BCL11A: variants seen among roughly 807,000 people sequenced by gnomAD.
The protein encoded by BCL11A is B cell CLL/lymphoma 11A.
BCL11A carries 2 observed loss-of-function variants against 55.9 expected under a neutral mutation model. The ratio of observed to expected loss-of-function variants is 0.04; its 90% CI spans 0.01 to 0.11. The LOEUF (loss-of-function observed/expected upper bound fraction) is 0.11, where lower values mean the gene tolerates loss of function less well. Ranked by LOEUF, BCL11A falls within the 10% of genes least tolerant of loss-of-function variation. BCL11A has a pLI of 1.00. For synonymous variants in BCL11A, 465 were observed against 473.4 expected (o/e 0.98, Z 0.23); for missense variants, 817 against 1,137.1 (o/e 0.72, Z 4.05).
At chr2:60,541,872 T>G in intron 2 of BCL11A, 4 of 697,292 alleles carry the variant, frequency 5.7e-6, no homozygotes, top group Non-Finnish European at 1.1e-5. Flanking sequence ...ATTTATAGTC[T>G]CATTTACAAT....
intron 2 of BCL11A, chr2:60,538,139 C>T (rs1359184110): frequency 6.6e-6 from 1 of 152,208 alleles, no homozygotes; most frequent in African/African-American, 2.4e-5. Flanking sequence ...AAGGCGCCTT[C>T]TCGCCTCTTT....
intron 1 of BCL11A, among the ~76,000 whole-genome samples, chr2:60,551,657 C>T (rs1670418259): frequency 6.6e-6 from 1 of 152,164 alleles, no homozygotes; most frequent in African/African-American, 2.4e-5. Flanking sequence ...TTCACCCAGC[C>T]GATTTCGCAG....
chr2:60,494,037 T>C (rs1232402259), intron 2 of BCL11A, among the ~76,000 whole-genome samples: 3 of 152,050 alleles, frequency 2.0e-5, no homozygotes, highest in Non-Finnish European at 4.4e-5. Flanking sequence ...AGGACAGCCA[T>C]CTTAGACAAC....
chr2:60,476,474 G>C (rs1677605022), intron 2 of BCL11A, among the ~76,000 whole-genome samples: 1 of 152,210 alleles, frequency 6.6e-6, no homozygotes, highest in Admixed American at 6.5e-5. Flanking sequence ...AGGACTCTAA[G>C]AAAAGGGAGT....
exon 5 of BCL11A, chr2:60,451,187 T>C (rs1036775149): frequency 9.9e-6 from 2 of 201,702 alleles, no homozygotes; most frequent in Non-Finnish European, 2.0e-5. Flanking sequence ...TTATTTATTA[T>C]GAATAAGCAG....
chr2:60,454,478 A>G (rs1156776490), downstream of BCL11A, among the ~76,000 whole-genome samples: 2 of 152,154 alleles, frequency 1.3e-5, no homozygotes, highest in African/African-American at 4.8e-5. Flanking sequence ...AAAAAAGAGA[A>G]TGGGATGGGT....
At position 60,460,928 on chromosome 2, in the gene BCL11A, C is replaced by T; in HGVS notation, c.1984G>A (p.Gly662Ser). ...TTGAGCTGCCTGGAGGCCGCGTAGC[C>T]GGCGAGCCACTGCGAGTACACGTTC... is the stretch of plus-strand genomic sequence containing the variant. Reference protein sequence around the residue: ...TENVYSQWLAGYAASRQLKDP... With the variant: ...TENVYSQWLASYAASRQLKDP... The change falls in exon 4 of 4, where the codon GGC becomes AGC. Residue 662 changes from glycine (G) to serine (S), a missense_variant. Physicochemically the swap from Gly to Ser is moderately conservative, Grantham distance 56. Around this residue, in one of 4 missense-constraint regions of BCL11A, gnomAD observed 379 missense variants for 425.3 expected, o/e 0.89. Transcript: ENST00000642384. 2 of 1,612,446 alleles carry T rather than the reference C, an allele frequency of 1.2e-6. No individual in the cohort carries two copies. The highest frequency in any genetic ancestry group is 1.7e-6 in the Non-Finnish European group (2 of 1,179,922).
intron 2 of BCL11A, among the ~76,000 whole-genome samples, chr2:60,531,995 T>C (rs1251956373): frequency 6.6e-6 from 1 of 152,150 alleles, no homozygotes; most frequent in Non-Finnish European, 1.5e-5. Context: ...GCTGCCTTTG[T>C]TCCTGCCACA....
intron 2 of BCL11A, chr2:60,542,165 G>A (rs1476629915): frequency 2.1e-5 from 7 of 336,516 alleles, no homozygotes; most frequent in Non-Finnish European, 3.8e-5. Flanking sequence ...ATTTTAAAGA[G>A]AAAAAATGTT....
Position 60,461,833 on chromosome 2 carries a change from A to AG in BCL11A, c.1078dup (p.Leu360ProfsTer212), listed in dbSNP as rs768799046. The AG allele has an allele frequency of 9.9e-6, 6 of 605,320 alleles. No homozygotes were observed. The highest frequency in any genetic ancestry group is 6.9e-6 in the Non-Finnish European group (3 of 433,496). The allele number at this position is 605,320 out of a possible 1,614,324, so 37.5% of individuals were successfully genotyped here. On this transcript the variant is annotated frameshift_variant, in exon 4 of 4. Transcript: ENST00000642384. LOFTEE classifies it high-confidence loss of function. Reference sequence around the variant, plus strand: ...AGGAGGGGCGGATTGCAGAGGAGGGAGGGGGGGCGTCGCCAGGAAGGGCGG... The same window carrying AG: ...AGGAGGGGCGGATTGCAGAGGAGGGAGGGGGGGGCGTCGCCAGGAAGGGCGG...
intron 2 of BCL11A, among the ~76,000 whole-genome samples, chr2:60,519,849 A>G (rs1315656628): frequency 2.0e-5 from 3 of 152,218 alleles, no homozygotes; most frequent in Non-Finnish European, 4.4e-5. Flanking sequence ...AGACAAAGAG[A>G]TCGTTTTCAT....
At chr2:60,498,344 G>A (rs1028019199) in intron 2 of BCL11A, among the ~76,000 whole-genome samples, 1 of 152,008 alleles carries the variant, frequency 6.6e-6, no homozygotes, top group African/African-American at 2.4e-5. Flanking sequence ...GCAGCAGTGT[G>A]TGCCGACAAC....
At chr2:60,548,322 T>C (rs967106387) in intron 1 of BCL11A, among the ~76,000 whole-genome samples, 7 of 149,566 alleles carry the variant, frequency 4.7e-5, no homozygotes, top group Non-Finnish European at 1.0e-4. Context: ...ATTTCCACCG[T>C]TAAGATTCTT....
intron 2 of BCL11A, among the ~76,000 whole-genome samples, chr2:60,524,196 C>T (rs1274400776): frequency 6.6e-6 from 1 of 152,176 alleles, no homozygotes; most frequent in Non-Finnish European, 1.5e-5. Flanking sequence ...CTAGCGGCAG[C>T]TTCCTATCAT....
At chr2:60,539,802 G>C (rs528328611) in intron 2 of BCL11A, among the ~76,000 whole-genome samples, 1 of 152,216 alleles carries the variant, frequency 6.6e-6, no homozygotes, top group Admixed American at 6.5e-5. Context: ...AATATGGTTC[G>C]TGCTCAAATT....
intron 3 of BCL11A, among the ~76,000 whole-genome samples, chr2:60,467,133 T>C (rs1572960603): frequency 7.1e-6 from 1 of 140,820 alleles, no homozygotes; most frequent in Non-Finnish European, 1.5e-5. Context: ...GTGGTGATGG[T>C]GGTGTTGGTG....
intron 2 of BCL11A, among the ~76,000 whole-genome samples, chr2:60,529,126 C>A (rs951031932): frequency 1.3e-5 from 2 of 152,220 alleles, no homozygotes; most frequent in African/African-American, 2.4e-5. Flanking sequence ...GCTCTTTAGA[C>A]CCCCACCTGC....
At chr2:60,510,364 C>G (rs970499386) in intron 2 of BCL11A, among the ~76,000 whole-genome samples, 3 of 152,174 alleles carry the variant, frequency 2.0e-5, no homozygotes, top group Non-Finnish European at 2.9e-5. Flanking sequence ...CACACAAGGT[C>G]TCTGCTCTCT....
chr2:60,500,231 G>A (rs1265599993), intron 2 of BCL11A, among the ~76,000 whole-genome samples: 1 of 152,222 alleles, frequency 6.6e-6, no homozygotes, highest in Non-Finnish European at 1.5e-5. Context: ...CAGGACCTGT[G>A]TGTGAGAGCG....
Sources: allele counts gnomAD v4.1 joint callset (sites outside exome capture counted in the v4.1 genomes callset), GRCh38; gene constraint gnomAD v4.1.1; regional missense constraint gnomAD v4.1.1; transcripts MANE v1.5; gene names NCBI Gene and HGNC (gene_info 2026-07-23, HGNC 2026-07-21).